Variants in KCNAB1 observed in about 807,000 individuals in gnomAD.
The protein encoded by KCNAB1 is potassium voltage-gated channel subfamily A regulatory beta subunit 1.
In KCNAB1, 35 loss-of-function variants were observed where a neutral mutation model predicts 64.6. That is an observed-to-expected ratio of 0.54 (90% CI 0.41 to 0.72). The LOEUF (loss-of-function observed/expected upper bound fraction) is 0.72, where lower values mean the gene tolerates loss of function less well. KCNAB1 is among the 30% of genes least tolerant of loss of function. KCNAB1 has a pLI of 0.00. For missense variants in KCNAB1, 401 were observed against 512.9 expected (o/e 0.78, Z 2.11); for synonymous variants, 177 against 183.8 (o/e 0.96, Z 0.30).
At chr3:156,283,602 C>G (rs1206890543) in intron 1 of KCNAB1, among the ~76,000 whole-genome samples, 1 of 151,768 alleles carries the variant, frequency 6.6e-6, no homozygotes, top group African/African-American at 2.4e-5. Context: ...TTCAGGTACA[C>G]CAATCAGACG....
chr3:156,240,497 C>G (rs989410093), intron 1 of KCNAB1, among the ~76,000 whole-genome samples: 1 of 152,162 alleles, frequency 6.6e-6, no homozygotes, highest in Admixed American at 6.5e-5. Flanking sequence ...GAGACAACCA[C>G]TTTTGACGCT....
chr3:156,401,643 G>T (rs1198364937), intron 1 of KCNAB1, among the ~76,000 whole-genome samples: 1 of 152,068 alleles, frequency 6.6e-6, no homozygotes, highest in Non-Finnish European at 1.5e-5. Flanking sequence ...CCAGTTAATG[G>T]TTCGCTGCAC....
chr3:156,386,663 T>C (rs927808526), intron 1 of KCNAB1, among the ~76,000 whole-genome samples: 2 of 152,116 alleles, frequency 1.3e-5, no homozygotes, highest in Non-Finnish European at 1.5e-5. Flanking sequence ...TAACTACCTG[T>C]AACATGATTA....
intron 1 of KCNAB1, among the ~76,000 whole-genome samples, chr3:156,193,539 G>T (rs1417003373): frequency 6.6e-6 from 1 of 152,092 alleles, no homozygotes. Context: ...GGTTTAATGA[G>T]CTCACAGTTC....
intron 1 of KCNAB1, among the ~76,000 whole-genome samples, chr3:156,258,552 C>T (rs976223573): frequency 2.0e-5 from 3 of 152,194 alleles, no homozygotes; most frequent in Non-Finnish European, 2.9e-5. Flanking sequence ...TGCCAATTCT[C>T]CTTGGTCCTG....
At chr3:156,338,267 G>A (rs1404204955) in intron 1 of KCNAB1, among the ~76,000 whole-genome samples, 1 of 127,696 alleles carries the variant, frequency 7.8e-6, no homozygotes, top group East Asian at 2.4e-4. Flanking sequence ...TTTCCCTTGG[G>A]GAGTCACTCA....
chr3:156,281,059 G>A (rs1019275557), intron 1 of KCNAB1, among the ~76,000 whole-genome samples: 17 of 151,706 alleles, frequency 1.1e-4, no homozygotes, highest in African/African-American at 4.1e-4. Context: ...CAAAGGGAAT[G>A]CCTCCAGTTT....
chr3:156,298,151 A>G (rs1239441906), intron 1 of KCNAB1, among the ~76,000 whole-genome samples: 1 of 152,222 alleles, frequency 6.6e-6, no homozygotes, highest in Non-Finnish European at 1.5e-5. Flanking sequence ...GGCAGCAGTC[A>G]GAAGTCTGGC....
At chr3:156,323,228 G>A (rs1722782140) in intron 1 of KCNAB1, among the ~76,000 whole-genome samples, 1 of 152,088 alleles carries the variant, frequency 6.6e-6, no homozygotes, top group Non-Finnish European at 1.5e-5. Context: ...GTGGTTTTCA[G>A]GAAGATTCTT....
rs568969599 is a variant in KCNAB1 at position 156,452,180 on chromosome 3, A to G, written c.320-719A>G. 1.7e-3 allele frequency among the ~76,000 whole-genome samples: 253 copies of G among 152,336 alleles called. 4 individuals are homozygous for G. The Middle Eastern group carries it at 0.031, about 18-fold the overall frequency. ...TATCCATAAAGGATGGAATGAATAAATGAGGTGCCTGGAGACCAGCATAGC... is the reference window on the plus strand; with the variant it reads ...TATCCATAAAGGATGGAATGAATAAGTGAGGTGCCTGGAGACCAGCATAGC... On this transcript the variant is annotated intron_variant, in intron 2 of 13. Transcript: ENST00000490337. The surrounding 1 kb of genome is among the most constrained non-coding windows in gnomAD (Gnocchi z 4.6).
chr3:156,179,279 A>G (rs1042646014), intron 1 of KCNAB1, among the ~76,000 whole-genome samples: 5 of 152,156 alleles, frequency 3.3e-5, no homozygotes, highest in African/African-American at 1.2e-4. Context: ...TACTATATAT[A>G]TATGTAAGTA....
At chr3:156,196,216 G>A (rs879069486) in intron 1 of KCNAB1, among the ~76,000 whole-genome samples, 1 of 152,150 alleles carries the variant, frequency 6.6e-6, no homozygotes, top group Non-Finnish European at 1.5e-5. Context: ...CGGTTGCCAT[G>A]TAGTATAGTT....
In KCNAB1 at chr3:156,312,731, A is replaced by AAAAAAAAAAAAAAC. The variant is rs1722007557; in HGVS notation, c.276-108885_276-108884insAAAAAAAAAAAAAC. Among the ~76,000 whole-genome samples the AAAAAAAAAAAAAAC allele has an allele frequency of 1.7e-3, 248 of 144,586 alleles. 3 individuals carry two copies. Among genetic ancestry groups the AAAAAAAAAAAAAAC allele is most frequent in the African/African-American group, 6.4e-3 (238 of 37,142 alleles). The allele number at this position is 144,586 out of a possible 152,430, so 94.9% of individuals were successfully genotyped here. ...AAAAAAAAAAAAAAAAAAAAAAAAA[A>AAAAAAAAAAAAAAC]CTCATAATAATGAAATTAGTTCTAT... On this transcript the variant is annotated intron_variant, in intron 1 of 13. Transcript: ENST00000490337.
intron 1 of KCNAB1, among the ~76,000 whole-genome samples, chr3:156,160,835 G>A (rs1716033546): frequency 6.6e-6 from 1 of 152,236 alleles, no homozygotes; most frequent in African/African-American, 2.4e-5. Flanking sequence ...TACATTAAGA[G>A]GTTGTCTAGA....
rs372729692 is a variant in KCNAB1, at chr3:156,143,410, A to G, written c.275+22524A>G. The G allele has an allele frequency of 2.0e-5, 32 of 1,586,172 alleles. No homozygotes were observed. The East Asian group carries it at 5.6e-4, about 28-fold the overall frequency. On this transcript the variant is annotated intron_variant, in intron 1 of 13. Coordinates refer to ENST00000490337, the MANE Select transcript of KCNAB1 (RefSeq NM_172160.3). ...GGAAACCACCAGAGCAGAGACGGGC[A>G]TGGCATACAGGTACTGCTGATTGCA... is the stretch of plus-strand genomic sequence containing the variant.
chr3:156,506,254 G>A (rs550719779), intron 8 of KCNAB1, among the ~76,000 whole-genome samples: 9 of 152,106 alleles, frequency 5.9e-5, no homozygotes, highest in Admixed American at 2.0e-4. Context: ...CAAGGTGAAG[G>A]CTGGGCTAAA....
intron 1 of KCNAB1, among the ~76,000 whole-genome samples, chr3:156,238,850 C>T (rs1717006636): frequency 6.6e-6 from 1 of 152,182 alleles, no homozygotes; most frequent in Non-Finnish European, 1.5e-5. Flanking sequence ...TGTAAACCAG[C>T]TAGCTGACAG....
At chr3:156,197,169 A>G (rs1714005005) in intron 1 of KCNAB1, among the ~76,000 whole-genome samples, 1 of 152,146 alleles carries the variant, frequency 6.6e-6, no homozygotes, top group Non-Finnish European at 1.5e-5. Context: ...ATCGTGATGG[A>G]TAAACTTTTT....
intron 1 of KCNAB1, among the ~76,000 whole-genome samples, chr3:156,378,785 T>C (rs1711918699): frequency 6.6e-6 from 1 of 152,124 alleles, no homozygotes. Flanking sequence ...GGGTTCTCTC[T>C]TACCTTAAGG....
Sources: gnomAD v4.1 joint callset for allele counts (sites outside exome capture counted in the v4.1 genomes callset) on GRCh38, gnomAD v4.1.1 for gene constraint, Gnocchi (gnomAD v3.1) non-coding constraint, MANE v1.5 for transcripts, NCBI Gene and HGNC (gene_info 2026-07-23, HGNC 2026-07-21) for gene names.